Variants in ACAD11 observed in about 807,000 individuals in gnomAD.
ACAD11 encodes the protein acyl-Coenzyme A dehydrogenase family, member 11.
A neutral mutation model predicts 102.2 loss-of-function variants in ACAD11; 83 were observed. The ratio of observed to expected loss-of-function variants is 0.81; its 90% CI spans 0.68 to 0.97. ACAD11 has a LOEUF of 0.97. ACAD11 is among the 50% of genes least tolerant of loss of function. The pLI is 0.00. For missense variants in ACAD11, 901 were observed against 951.7 expected (o/e 0.95, Z 0.70); for synonymous variants, 324 against 319.8 (o/e 1.01, Z -0.14).
Position 132,641,955 on chromosome 3 carries a change from T to G in ACAD11, c.537+17A>C, listed in dbSNP as rs1289716581. 10 of 1,579,738 alleles carry G rather than the reference T, an allele frequency of 6.3e-6. No individual in the cohort carries two copies. Among genetic ancestry groups the G allele is most frequent in the Non-Finnish European group, 8.6e-6 (10 of 1,159,596 alleles). On this transcript the variant is annotated intron_variant, in intron 4 of 19. Coordinates refer to ENST00000264990, the MANE Select transcript of ACAD11 (RefSeq NM_032169.5). Reference sequence around the variant, plus strand: ...ACAAGAACTTGAAAAAAATAGCTATTAATGTGGATGCATTACCTGTCTTTT... The same window carrying G: ...ACAAGAACTTGAAAAAAATAGCTATGAATGTGGATGCATTACCTGTCTTTT...
intron 1 of ACAD11, among the ~76,000 whole-genome samples, 183 bp from the exon 2 acceptor site, chr3:132,645,079 C>A (rs559180346): frequency 9.9e-4 from 150 of 152,264 alleles, no homozygotes; most frequent in African/African-American, 3.5e-3. Context: ...CAGATGGCAA[C>A]ATACTGGCAG....
At chr3:132,633,356 G>C (rs1431100303) in intron 5 of ACAD11, among the ~76,000 whole-genome samples, 1 of 152,090 alleles carries the variant, frequency 6.6e-6, no homozygotes, top group Non-Finnish European at 1.5e-5. Flanking sequence ...CTTTGGTTCT[G>C]TTTCTATGCT....
intron 13 of ACAD11, among the ~76,000 whole-genome samples, chr3:132,597,082 T>C (rs1051999754): frequency 1.3e-5 from 2 of 152,114 alleles, no homozygotes; most frequent in Admixed American, 6.6e-5. Context: ...AGGTCTATAG[T>C]TTTTGAAAAA....
intron 1 of ACAD11, among the ~76,000 whole-genome samples, chr3:132,645,136 C>A (rs1280361834): frequency 6.6e-6 from 1 of 152,194 alleles, no homozygotes; most frequent in Non-Finnish European, 1.5e-5. Context: ...ACCCCACTTC[C>A]TGACTGCAAA....
chr3:132,605,424 TCA>T (rs1938799215), intron 11 of ACAD11, among the ~76,000 whole-genome samples: 1 of 152,238 alleles, frequency 6.6e-6, no homozygotes, highest in South Asian at 2.1e-4. Context: ...TTGTTCTGAA[TCA>T]CAGACTCTTC....
intron 5 of ACAD11, among the ~76,000 whole-genome samples, chr3:132,637,644 A>C (rs932316046): frequency 6.6e-6 from 1 of 152,236 alleles, no homozygotes; most frequent in African/African-American, 2.4e-5. Flanking sequence ...GGTAAAATTT[A>C]TATTTGGAAA....
At chr3:132,613,283 G>A (rs1002366535) in intron 11 of ACAD11, among the ~76,000 whole-genome samples, 2 of 151,762 alleles carry the variant, frequency 1.3e-5, no homozygotes, top group African/African-American at 2.4e-5. Flanking sequence ...GCTAAATGAC[G>A]AGTTAATGGG....
chr3:132,597,883 G>A (rs1212107375), intron 13 of ACAD11, among the ~76,000 whole-genome samples: 1 of 152,100 alleles, frequency 6.6e-6, no homozygotes, highest in Non-Finnish European at 1.5e-5. Flanking sequence ...ATAAGAACAT[G>A]AAGACCAGAG....
chr3:132,635,219 AC>A (rs1228978521), intron 5 of ACAD11, among the ~76,000 whole-genome samples: 3 of 152,022 alleles, frequency 2.0e-5, no homozygotes, highest in Non-Finnish European at 4.4e-5. Flanking sequence ...AGAGAGGGGA[AC>A]CTTCACTGGA....
At chr3:132,606,996 G>A (rs1938871579) in intron 11 of ACAD11, among the ~76,000 whole-genome samples, 1 of 152,140 alleles carries the variant, frequency 6.6e-6, no homozygotes, top group African/African-American at 2.4e-5. Context: ...AACAGGGTTG[G>A]GAGTGGACCT....
rs191033400 is a variant in ACAD11, at chr3:132,639,741, T to C, written c.538-85A>G. 2.3e-4 allele frequency: 311 copies of C among 1,337,626 alleles called. 2 individuals are homozygous for C. In the African/African-American group the frequency reaches 3.9e-3, roughly 17 times the overall value. The allele number at this position is 1,337,626 out of a possible 1,614,324, so 82.9% of individuals were successfully genotyped here. ...TTCTAAAATTAAAACAAAATTCAAA[T>C]GCTGTTTTACTCCTAAATACTTAAG... On this transcript the variant is annotated intron_variant, in intron 4 of 19. Coordinates refer to ENST00000264990, the MANE Select transcript of ACAD11 (RefSeq NM_032169.5).
At position 132,631,465 on chromosome 3, in the gene ACAD11, T is replaced by A. The variant is rs1940039397; in HGVS notation, c.717A>T (p.Ala239=). ...TGGTTGACAGCTCCCAATCCAGCACTGCTATAACTCGACACTGTAATTAAA... is the reference window on the plus strand; with the variant it reads ...TGGTTGACAGCTCCCAATCCAGCACAGCTATAACTCGACACTGTAATTAAA... ...VFHPKECRVI[A]VLDWELSTIG... Residue 239 remains alanine (A), a synonymous_variant, in exon 6 of 20, where the codon GCA becomes GCT. Coordinates refer to ENST00000264990, the MANE Select transcript of ACAD11 (RefSeq NM_032169.5). 1 of 1,500,550 alleles carries A rather than the reference T, an allele frequency of 6.7e-7. No individual in the cohort carries two copies. Among genetic ancestry groups the A allele is most frequent in the South Asian group, 1.4e-5 (1 of 69,666 alleles). 93.0% of individuals were successfully genotyped at this position (1,500,550 alleles called of 1,614,324 possible). A position where few individuals can be genotyped will look rare whatever the true frequency, so the allele number is the denominator to read the frequency against.
intron 9 of ACAD11, chr3:132,621,423 G>A (rs1371450227): frequency 1.3e-5 from 2 of 152,166 alleles, no homozygotes; most frequent in East Asian, 1.9e-4. Flanking sequence ...CAATTGCTGA[G>A]AGAAAATAAC....
chr3:132,659,566 A>T lies in ACAD11; in HGVS notation c.149+37T>A, dbSNP rs577097514. The T allele has an allele frequency of 5.5e-5, 89 of 1,607,626 alleles. No individual in the cohort carries two copies. The South Asian group carries it at 8.7e-4, about 16-fold the overall frequency. On this transcript the variant is annotated intron_variant, in intron 1 of 19. Coordinates refer to ENST00000264990, the MANE Select transcript of ACAD11 (RefSeq NM_032169.5). ...AAAGGAAGGAAAACTCAATGTACAAATTTTTTTCCGCTGGAGGCAAAGGCT... is the reference window on the plus strand; with the variant it reads ...AAAGGAAGGAAAACTCAATGTACAATTTTTTTTCCGCTGGAGGCAAAGGCT...
At chr3:132,607,215 C>T (rs940748681) in intron 11 of ACAD11, among the ~76,000 whole-genome samples, 2 of 152,182 alleles carry the variant, frequency 1.3e-5, no homozygotes, top group African/African-American at 4.8e-5. Context: ...AATGCCTCTT[C>T]TCTCCAAAGG....
At position 132,559,081 on chromosome 3, in the gene ACAD11, C is replaced by T. The variant is rs754998438; in HGVS notation, c.2233G>A (p.Ala745Thr). The change falls in exon 20 of 20, where the codon GCT (alanine) becomes ACT (threonine). Residue 745 changes from alanine (A) to threonine (T), a missense_variant. Physicochemically the swap from Ala to Thr is moderately conservative, Grantham distance 58 (BLOSUM62 0). Transcript: ENST00000264990. ...GCTAAACGCAAAACTCGGGTTATAG[C>T]ATACCTGAAAAAGCAAAAGAATCAG... Reference protein sequence around the residue: ...SQDYPLANMYAITRVLRLADG... With the variant: ...SQDYPLANMYTITRVLRLADG... 1 of 1,611,388 alleles carries T rather than the reference C, an allele frequency of 6.2e-7. No homozygotes were observed. Among genetic ancestry groups the T allele is most frequent in the Non-Finnish European group, 8.5e-7 (1 of 1,177,952 alleles).
intron 1 of ACAD11, among the ~76,000 whole-genome samples, chr3:132,657,168 AAG>A (rs775417992): frequency 9.9e-5 from 15 of 152,190 alleles, no homozygotes; most frequent in Non-Finnish European, 1.8e-4. Flanking sequence ...GTGTGAGATA[AAG>A]AGTCTAATTT....
intron 11 of ACAD11, among the ~76,000 whole-genome samples, chr3:132,615,786 A>C (rs977165377): frequency 6.6e-6 from 1 of 152,192 alleles, no homozygotes; most frequent in African/African-American, 2.4e-5. Flanking sequence ...CGTTCTGCAC[A>C]CGTATCCCAG....
chr3:132,609,595 C>T (rs935659422), intron 11 of ACAD11, among the ~76,000 whole-genome samples: 1 of 152,014 alleles, frequency 6.6e-6, no homozygotes, highest in Non-Finnish European at 1.5e-5. Context: ...AAGTCAAATC[C>T]CTGAATAGAC....
Sources: gnomAD v4.1 joint callset for allele counts (sites outside exome capture counted in the v4.1 genomes callset) on GRCh38, gnomAD v4.1.1 for gene constraint, MANE v1.5 for transcripts, NCBI Gene and HGNC (gene_info 2026-07-23, HGNC 2026-07-21) for gene names.